Variants in TSPAN16 observed in about 807,000 individuals in gnomAD.
TSPAN16 encodes the protein tetraspanin 16.
A neutral mutation model predicts 25.2 loss-of-function variants in TSPAN16; 23 were observed. That is an observed-to-expected ratio of 0.91 (90% CI 0.66 to 1.29). The LOEUF is 1.29. Among genes scored for constraint, TSPAN16 ranks in the 50% most tolerant of loss-of-function variants. TSPAN16 has a pLI of 0.00. For missense variants in TSPAN16, 272 were observed against 299.9 expected (o/e 0.91, Z 0.69); for synonymous variants, 123 against 124.4 (o/e 0.99, Z 0.08).
chr19:11,301,153 C>T (rs1237636401), intron 3 of TSPAN16, 48 bp from the exon 4 acceptor site: 9 of 1,513,296 alleles, frequency 5.9e-6, no homozygotes, highest in Non-Finnish European at 8.3e-6. Flanking sequence ...AATGAACGGG[C>T]CACTCTTGCT....
chr19:11,303,366 G>T (rs866057607), intron 4 of TSPAN16, among the ~76,000 whole-genome samples: 2 of 146,672 alleles, frequency 1.4e-5, no homozygotes, highest in Admixed American at 6.8e-5. Flanking sequence ...CAGCATGCTC[G>T]TTAAGAGTCG....
intron 4 of TSPAN16, among the ~76,000 whole-genome samples, chr19:11,302,054 C>T (rs779474802): frequency 6.6e-6 from 1 of 152,068 alleles, no homozygotes; most frequent in South Asian, 2.1e-4. Flanking sequence ...AAACTCCTGA[C>T]CTCAGGTGAT....
At chr19:11,325,383 G>A (rs773112600) in intron 6 of TSPAN16, 2 of 1,510,360 alleles carry the variant, frequency 1.3e-6, no homozygotes, top group Non-Finnish European at 8.9e-7. Context: ...GTGGGTGGGG[G>A]GTTGGGGGCC....
At chr19:11,306,470 A>T in intron 4 of TSPAN16, 134 bp from the exon 5 acceptor site, 1 of 1,076,052 alleles carries the variant, frequency 9.3e-7, no homozygotes, top group South Asian at 1.5e-5. Flanking sequence ...CTGTGATGGG[A>T]TGTTTGTAAG....
downstream of TSPAN16, among the ~76,000 whole-genome samples, chr19:11,317,068 G>A (rs1004988639): frequency 2.6e-5 from 4 of 151,976 alleles, no homozygotes; most frequent in African/African-American, 9.7e-5. Flanking sequence ...CTCCCAAAGC[G>A]CTGGGATTAC....
At chr19:11,316,305 A>G (rs2080749300), downstream of TSPAN16, among the ~76,000 whole-genome samples, 1 of 151,966 alleles carries the variant, frequency 6.6e-6, no homozygotes. Flanking sequence ...TGTTTAGTAG[A>G]GATGGGGTTT....
intron 5 of TSPAN16, among the ~76,000 whole-genome samples, chr19:11,311,279 G>C (rs2080688806): frequency 6.6e-6 from 1 of 152,200 alleles, no homozygotes; most frequent in Admixed American, 6.6e-5. Flanking sequence ...GGAATTACAG[G>C]CACCGCCACC....
intron 3 of TSPAN16, 87 bp downstream of exon 3, chr19:11,299,033 A>T: frequency 7.4e-7 from 1 of 1,344,230 alleles, no homozygotes; most frequent in Non-Finnish European, 1.0e-6. Flanking sequence ...TAATCCCAGC[A>T]TTTTGGGAGG....
chr19:11,303,373 G>C (rs12327871), intron 4 of TSPAN16, among the ~76,000 whole-genome samples: 6,321 of 146,820 alleles, frequency 0.043, 209 homozygotes, highest in South Asian at 0.069. Flanking sequence ...CTCGTTAAGA[G>C]TCGTCACCAC....
At chr19:11,296,976 G>GT (rs2080485334) in intron 1 of TSPAN16, among the ~76,000 whole-genome samples, 2 of 152,170 alleles carry the variant, frequency 1.3e-5, no homozygotes, top group African/African-American at 4.8e-5. Context: ...GGCGGCAGAG[G>GT]TTGGCAGTGA....
chr19:11,299,353 C>T (rs1188173282), intron 3 of TSPAN16, among the ~76,000 whole-genome samples: 1 of 151,840 alleles, frequency 6.6e-6, no homozygotes, highest in African/African-American at 2.4e-5. Context: ...TTGTGGGGAC[C>T]CAGTGATGGA....
intron 4 of TSPAN16, among the ~76,000 whole-genome samples, chr19:11,303,124 G>A (rs919139245): frequency 2.0e-5 from 3 of 150,024 alleles, no homozygotes; most frequent in Middle Eastern, 3.4e-3. Context: ...AGGGGGGAAA[G>A]GTGGGGAAAA....
chr19:11,296,247 G>A lies in TSPAN16; in HGVS notation c.-51G>A. On this transcript the variant is annotated 5_prime_UTR_variant, in exon 1 of 7. Transcript: ENST00000590327. ...TCATCTTGGGAAACAGTAGCCCAGA[G>A]GTTCAGGAAGATGTTAACTTAAATG... 1.3e-6 allele frequency: 2 copies of A among 1,579,290 alleles called. No individual in the cohort carries two copies. Among genetic ancestry groups the A allele is most frequent in the South Asian group, 1.1e-5 (1 of 89,994 alleles).
chr19:11,318,835 C>T (rs753435582), downstream of TSPAN16, among the ~76,000 whole-genome samples: 4 of 151,872 alleles, frequency 2.6e-5, no homozygotes, highest in Non-Finnish European at 4.4e-5. Flanking sequence ...TTAGTAGAGA[C>T]GGGGTTTTGC....
At chr19:11,300,991 C>G in intron 3 of TSPAN16, 1 of 530,238 alleles carries the variant, frequency 1.9e-6, no homozygotes, top group Admixed American at 3.1e-5. Flanking sequence ...GGCTCCAGAC[C>G]CACGCGTCTC....
At chr19:11,306,135 G>A (rs1424968477) in intron 4 of TSPAN16, among the ~76,000 whole-genome samples, 4 of 152,178 alleles carry the variant, frequency 2.6e-5, no homozygotes, top group Non-Finnish European at 5.9e-5. Flanking sequence ...AGGCGTGGGG[G>A]CGTGTGCCTG....
At chr19:11,325,148 G>A (rs1013259988) in intron 6 of TSPAN16, 7 of 429,088 alleles carry the variant, frequency 1.6e-5, no homozygotes, top group South Asian at 3.0e-5. Context: ...GCTCATGCAC[G>A]TCAGTGTCCC....
chr19:11,312,322 T>TAAAAAAAAAAAAA (rs56982210), intron 6 of TSPAN16, 100 bp downstream of exon 6: 2 of 293,940 alleles, frequency 6.8e-6, no homozygotes, highest in Non-Finnish European at 5.7e-6. Flanking sequence ...TGAACAAAAC[T>TAAAAAAAAAAAAA]AAAAAAAAAA....
At chr19:11,326,561 T>G (rs563088669) in intron 6 of TSPAN16, among the ~76,000 whole-genome samples, 91 of 152,356 alleles carry the variant, frequency 6.0e-4, no homozygotes, top group African/African-American at 2.1e-3. Flanking sequence ...CAATTTCTGC[T>G]GCACAGAAAG....
Sources: allele counts gnomAD v4.1 joint callset (sites outside exome capture counted in the v4.1 genomes callset), GRCh38; gene constraint gnomAD v4.1.1; transcripts MANE v1.5; gene names NCBI Gene and HGNC (gene_info 2026-07-23, HGNC 2026-07-21).